IL34: variants seen among roughly 807,000 people sequenced by gnomAD.
The protein encoded by IL34 is interleukin-34.
A neutral mutation model predicts 25.3 loss-of-function variants in IL34; 17 were observed. The observed-to-expected ratio is 0.67, with a 90% CI of 0.46 to 1.01. The LOEUF is 1.01. Among genes scored for constraint, IL34 ranks in the 50% least tolerant of loss-of-function variants. The pLI, the probability that IL34 is intolerant of heterozygous loss-of-function variation, is 0.00. For missense variants in IL34, 368 were observed against 312.9 expected (o/e 1.18, Z -1.33); for synonymous variants, 174 against 140.9 (o/e 1.23, Z -1.66).
Position 70,657,086 on chromosome 16 carries a change from G to C in IL34, c.367G>C (p.Glu123Gln), listed in dbSNP as rs8046424. 0.53 allele frequency: 854,248 copies of C among 1,612,578 alleles called. 236,404 individuals carry two copies. Among genetic ancestry groups the C allele is most frequent in the African/African-American group, 0.91 (68,432 of 74,848 alleles). Residue 123 changes from glutamate (E) to glutamine (Q), a missense_variant, in exon 4 of 6, where the codon GAG (glutamate) becomes CAG (glutamine). By Grantham distance (29) the Glu-to-Gln change is conservative. Coordinates refer to ENST00000288098, the MANE Select transcript of IL34 (RefSeq NM_001393494.1). ...HPSWKYLQEV[E>Q]TLLLNVQQGL... ...ATCCTGGAAGTACCTGCAGGAGGTG[G>C]AGACGCTGCTGCTGAATGTCCAGCA...
rs371965836 is a variant in IL34 at position 70,646,912 on chromosome 16, G to A, written c.-36G>A. ...CCTCTGTGGACACACTGCTGGGGAC[G>A]GCGCCTGAGCTCTCAGGGGGACGAG... On this transcript the variant is annotated 5_prime_UTR_variant, in exon 1 of 6. Coordinates refer to ENST00000288098, the MANE Select transcript of IL34 (RefSeq NM_001393494.1). 2.0e-5 allele frequency: 29 copies of A among 1,478,278 alleles called. No individual in the cohort carries two copies. Among genetic ancestry groups the A allele is most frequent in the Non-Finnish European group, 2.3e-5 (26 of 1,119,966 alleles). The allele number at this position is 1,478,278 out of a possible 1,614,324, so 91.6% of individuals were successfully genotyped here. A position where few individuals can be genotyped will look rare whatever the true frequency, so the allele number is the denominator to read the frequency against.
intron 1 of IL34, chr16:70,653,954 CAGCCAA>C (rs2052146813): frequency 6.6e-6 from 1 of 152,102 alleles, no homozygotes; most frequent in South Asian, 2.1e-4. Context: ...GGAAGAGAGG[CAGCCAA>C]GTATGAGATC....
In IL34 at chr16:70,657,041, G is replaced by GTGC. The variant is rs771370857; in HGVS notation, c.327_329dup (p.Leu110dup). 1 of 1,612,840 alleles carries GTGC rather than the reference G, an allele frequency of 6.2e-7. No homozygotes were observed. The highest frequency in any genetic ancestry group is 1.1e-5 in the South Asian group (1 of 91,020). ...CAGTGCCACTGAGTCGGTGCAGGACGTGCTGCTCGAGGGCCACCCATCCTG... is the reference window on the plus strand; with the variant it reads ...CAGTGCCACTGAGTCGGTGCAGGACGTGCTGCTGCTCGAGGGCCACCCATCCTG... On this transcript the variant is annotated inframe_insertion, in exon 4 of 6. Coordinates refer to ENST00000288098, the MANE Select transcript of IL34 (RefSeq NM_001393494.1).
chr16:70,619,035 T>C (rs2051221468), intron 1 of IL34, among the ~76,000 whole-genome samples: 1 of 152,142 alleles, frequency 6.6e-6, no homozygotes, highest in Non-Finnish European at 1.5e-5. Context: ...ACGGGGTGGA[T>C]AGGCAAAACA....
At chr16:70,631,999 G>A (rs918372985) in intron 1 of IL34, among the ~76,000 whole-genome samples, 11 of 151,980 alleles carry the variant, frequency 7.2e-5, no homozygotes, top group Non-Finnish European at 1.3e-4. Context: ...TACTTGGGAG[G>A]CTGAGGTAGG....
chr16:70,624,053 T>C (rs914311672), intron 1 of IL34, among the ~76,000 whole-genome samples: 6 of 152,056 alleles, frequency 3.9e-5, no homozygotes, highest in African/African-American at 1.4e-4. Context: ...AGCGTCAGTC[T>C]TCAGCCGCTA....
intron 1 of IL34, among the ~76,000 whole-genome samples, chr16:70,611,672 C>T (rs748199287): frequency 3.9e-5 from 6 of 151,930 alleles, no homozygotes; most frequent in Admixed American, 1.3e-4. Context: ...GGTGAAACCC[C>T]GTTTCTACTA....
At chr16:70,630,567 CCTCTT>C (rs1193230967) in intron 1 of IL34, among the ~76,000 whole-genome samples, 2 of 151,448 alleles carry the variant, frequency 1.3e-5, no homozygotes, top group African/African-American at 2.4e-5. Context: ...CCTCTCCTCT[CCTCTT>C]CTTTCTTTTT....
chr16:70,637,630 C>A (rs1478087089), intron 1 of IL34, among the ~76,000 whole-genome samples: 1 of 152,160 alleles, frequency 6.6e-6, no homozygotes, highest in Non-Finnish European at 1.5e-5. Flanking sequence ...CAGGTGTGAG[C>A]CACCGCGCCT....
At chr16:70,653,020 C>T (rs1471306106) in intron 1 of IL34, among the ~76,000 whole-genome samples, 2 of 152,066 alleles carry the variant, frequency 1.3e-5, no homozygotes, top group African/African-American at 4.8e-5. Flanking sequence ...GCCTGGCCAA[C>T]ATGGTGAAAC....
chr16:70,606,028 A>G (rs546140735), intron 1 of IL34, among the ~76,000 whole-genome samples: 1 of 143,720 alleles, frequency 7.0e-6, no homozygotes, highest in Admixed American at 7.3e-5. Flanking sequence ...GGCAGACATC[A>G]CTATCTTGTC....
chr16:70,623,895 G>A (rs4985544), intron 1 of IL34, among the ~76,000 whole-genome samples: 66,290 of 146,458 alleles, frequency 0.45, 15,843 homozygotes, highest in South Asian at 0.6. Context: ...AACAGTTATG[G>A]AGGCAAGGGA....
At chr16:70,644,597 CAATA>C (rs2051862313), upstream of IL34, among the ~76,000 whole-genome samples, 1 of 150,922 alleles carries the variant, frequency 6.6e-6, no homozygotes, top group African/African-American at 2.4e-5. Flanking sequence ...AATTAGCCCT[CAATA>C]AACCTGAAAA....
At chr16:70,608,354 C>G (rs2051042753) in intron 1 of IL34, among the ~76,000 whole-genome samples, 1 of 152,008 alleles carries the variant, frequency 6.6e-6, no homozygotes, top group Non-Finnish European at 1.5e-5. Context: ...GTCTTGAACT[C>G]CTGACCTCAG....
intron 1 of IL34, among the ~76,000 whole-genome samples, chr16:70,633,138 T>C (rs2151852605): frequency 7.0e-6 from 1 of 142,644 alleles, no homozygotes; most frequent in African/African-American, 2.6e-5. Flanking sequence ...CTAATTTTTG[T>C]ATTTTTAGTA....
At chr16:70,620,674 T>C (rs577855354) in intron 1 of IL34, among the ~76,000 whole-genome samples, 34 of 152,298 alleles carry the variant, frequency 2.2e-4, no homozygotes, top group Middle Eastern at 3.4e-3. Flanking sequence ...AAAGAATGCC[T>C]GGACGTCAGG....
intron 1 of IL34, among the ~76,000 whole-genome samples, chr16:70,629,011 A>G (rs2051459678): frequency 6.6e-6 from 1 of 152,016 alleles, no homozygotes; most frequent in African/African-American, 2.4e-5. Flanking sequence ...GCTGGTCTCA[A>G]ACTCCTGGCC....
intron 1 of IL34, among the ~76,000 whole-genome samples, chr16:70,596,250 C>G (rs1256701856): frequency 6.6e-6 from 1 of 152,170 alleles, no homozygotes; most frequent in African/African-American, 2.4e-5. Flanking sequence ...ATCACGACCT[C>G]ATCATCTTCC....
chr16:70,660,091 G>A lies in IL34; in HGVS notation c.633G>A (p.Gln211=). ...PEPSLQYAAT[Q]LYPPPPWSPS... ...CCTCATTGCAGTATGCGGCCACCCAGCTGTACCCTCCGCCCCCGTGGTCCC... is the reference window on the plus strand; with the variant it reads ...CCTCATTGCAGTATGCGGCCACCCAACTGTACCCTCCGCCCCCGTGGTCCC... The change falls in exon 6 of 6, where the codon CAG becomes CAA. Residue 211 remains glutamine, a synonymous_variant. Transcript: ENST00000288098. 1 of 1,613,680 alleles carries A rather than the reference G, an allele frequency of 6.2e-7. No homozygotes were observed. The highest frequency in any genetic ancestry group is 2.2e-5 in the East Asian group (1 of 44,860).
Sources: allele counts gnomAD v4.1 joint callset (sites outside exome capture counted in the v4.1 genomes callset), GRCh38; gene constraint gnomAD v4.1.1; transcripts MANE v1.5; gene names NCBI Gene and HGNC (gene_info 2026-07-23, HGNC 2026-07-21).